CYB561: variants seen among roughly 807,000 people sequenced by gnomAD.
The protein encoded by CYB561 is transmembrane ascorbate-dependent reductase CYB561.
In CYB561, 11 loss-of-function variants were observed where a neutral mutation model predicts 25.3. The observed-to-expected ratio is 0.44, with a 90% CI of 0.27 to 0.72. The LOEUF is 0.72. Among genes scored for constraint, CYB561 ranks in the 30% least tolerant of loss-of-function variants. The pLI is 0.18. For missense variants in CYB561, 295 were observed against 334.9 expected, an observed-to-expected ratio of 0.88 and a Z score of 0.93; for synonymous variants, 165 against 158.8, an observed-to-expected ratio of 1.04 and a Z score of -0.29.
At chr17:63,437,615 C>G in intron 1 of CYB561, 55 bp from the exon 2 acceptor site, 1 of 1,459,598 alleles carries the variant, frequency 6.9e-7, no homozygotes, top group Non-Finnish European at 9.3e-7. Context: ...GAGATGCGCA[C>G]AGCCCCCGCG....
In CYB561 at chr17:63,436,024, T is replaced by TGGC. The variant is rs1568022778; in HGVS notation, c.301+27_301+29dup. 1.9e-6 allele frequency: 3 copies of TGGC among 1,612,768 alleles called. No homozygotes were observed. Among genetic ancestry groups the TGGC allele is most frequent in the Non-Finnish European group, 2.5e-6 (3 of 1,179,782 alleles). ...TGCCATACCTGAAGAGGCAGGCAGG[T>TGGC]GGCGGGGAAGGCCGCGCCCGGGAAC... On this transcript the variant is annotated intron_variant, in intron 3 of 5. Transcript: ENST00000360793. The surrounding 1 kb of genome is among the most constrained non-coding windows in gnomAD (Gnocchi z 4.8).
intron 1 of CYB561, chr17:63,438,102 C>T (rs1003771703): frequency 1.3e-6 from 2 of 1,534,324 alleles, no homozygotes. Context: ...GCCCAGCCTC[C>T]CCACGGGGAC....
intron 1 of CYB561, chr17:63,438,446 TCCCCCCACGCCCCCGCCCG>T: frequency 2.6e-6 from 1 of 388,586 alleles, no homozygotes; most frequent in South Asian, 2.8e-5. Flanking sequence ...CCAGCCCCGC[TCCCCCCACGCCCCCGCCCG>T]CCCCCCACCC....
chr17:63,443,139 C>A (rs1376845410), intron 1 of CYB561, among the ~76,000 whole-genome samples: 3 of 152,286 alleles, frequency 2.0e-5, no homozygotes, highest in Middle Eastern at 6.8e-3. Flanking sequence ...AAGGAGAAAG[C>A]AAAGTGTGGT....
At chr17:63,440,547 T>G (rs907926529) in intron 1 of CYB561, among the ~76,000 whole-genome samples, 1 of 152,120 alleles carries the variant, frequency 6.6e-6, no homozygotes, top group African/African-American at 2.4e-5. Flanking sequence ...ATCCTGCCCG[T>G]TTCCATCTGC....
At chr17:63,438,023 C>G in intron 1 of CYB561, 6 of 1,477,722 alleles carry the variant, frequency 4.1e-6, no homozygotes, top group Non-Finnish European at 5.4e-6. Context: ...GCTCTCCTAC[C>G]CGCAAGCCCC....
At position 63,437,502 on chromosome 17, in the gene CYB561, A is replaced by G. The variant is rs1380079635; in HGVS notation, c.46T>C (p.Tyr16His). 6.2e-7 allele frequency: 1 copy of G among 1,613,384 alleles called. No individual in the cohort carries two copies. The highest frequency in any genetic ancestry group is 1.3e-5 in the African/African-American group (1 of 74,926). ...CCCAGCAGCTGGGAGAAGGCCACGT[A>G]GTAAGGCAGTGCTGTGGGGGTGGCT... Reference protein sequence around the residue: ...AAATPTALPYYVAFSQLLGLT... With the variant: ...AAATPTALPYHVAFSQLLGLT... Residue 16 changes from tyrosine (Y) to histidine (H), a missense_variant, in exon 2 of 6, where the codon TAC becomes CAC. By Grantham distance (83) the Tyr-to-His change is moderately conservative. Transcript: ENST00000360793.
At chr17:63,442,175 A>G (rs1211737885) in intron 1 of CYB561, among the ~76,000 whole-genome samples, 1 of 152,202 alleles carries the variant, frequency 6.6e-6, no homozygotes, top group Non-Finnish European at 1.5e-5. Flanking sequence ...CACAGTCCGT[A>G]GGTTCTGAGC....
intron 1 of CYB561, 78 bp from the exon 2 acceptor site, chr17:63,437,638 C>T: frequency 8.4e-7 from 1 of 1,187,820 alleles, no homozygotes; most frequent in African/African-American, 1.7e-5. Context: ...TGCACACAGC[C>T]CCCCAAGATG....
In CYB561 at chr17:63,445,380, C is replaced by CTTT. The variant is rs558247824; in HGVS notation, c.-14+862_-14+864dup. ...CAGGCACCTAGAGGAGGTGGCAAAG[C>CTTT]TTTTTTTTTTTTTTTTTCATTAGCT... On this transcript the variant is annotated intron_variant, in intron 1 of 5. Coordinates refer to ENST00000360793, the MANE Select transcript of CYB561 (RefSeq NM_001915.4). 1.0e-2 allele frequency among the ~76,000 whole-genome samples: 1,281 copies of CTTT among 128,476 alleles called. 31 individuals carry two copies. Among genetic ancestry groups the CTTT allele is most frequent in the African/African-American group, 0.036 (1,201 of 33,592 alleles). The allele number at this position is 128,476 out of a possible 152,430, so 84.3% of individuals were successfully genotyped here.
In CYB561 at chr17:63,433,458, G is replaced by C; in HGVS notation, c.*944C>G. 1 of 399,016 alleles carries C rather than the reference G, an allele frequency of 2.5e-6. No homozygotes were observed. Among genetic ancestry groups the C allele is most frequent in the Non-Finnish European group, 4.4e-6 (1 of 226,414 alleles). The allele number at this position is 399,016 out of a possible 1,614,324, so 24.7% of individuals were successfully genotyped here. On this transcript the variant is annotated 3_prime_UTR_variant, in exon 6 of 6. Coordinates refer to ENST00000360793, the MANE Select transcript of CYB561 (RefSeq NM_001915.4). Reference sequence around the variant, plus strand: ...AGATAAGGAGAAGGCTCGTCCTCCAGAACAGAGGCAGCAGCTCCAGCAGCC... The same window carrying C: ...AGATAAGGAGAAGGCTCGTCCTCCACAACAGAGGCAGCAGCTCCAGCAGCC...
At chr17:63,443,909 C>T (rs2049399298) in intron 1 of CYB561, among the ~76,000 whole-genome samples, 2 of 152,230 alleles carry the variant, frequency 1.3e-5, no homozygotes, top group Admixed American at 1.3e-4. Flanking sequence ...TACAGACAGA[C>T]ATGAGCCAGC....
Position 63,432,412 on chromosome 17 carries a change from G to A in CYB561, c.*1990C>T, listed in dbSNP as rs982109396. On this transcript the variant is annotated 3_prime_UTR_variant, in exon 6 of 6. Coordinates refer to ENST00000360793, the MANE Select transcript of CYB561 (RefSeq NM_001915.4). ...TAACCCACCACAAATCCGCTTCTGG[G>A]GGCCTTCTTCAGCTCCTTAGTCATC... 6.6e-6 allele frequency: 1 copy of A among 152,206 alleles called. No individual in the cohort carries two copies. The highest frequency in any genetic ancestry group is 1.5e-5 in the Non-Finnish European group (1 of 68,044). 9.4% of individuals were successfully genotyped at this position (152,206 alleles called of 1,614,324 possible). A position where few individuals can be genotyped will look rare whatever the true frequency, so the allele number is the denominator to read the frequency against.
rs1184578504 is a variant in CYB561 at position 63,432,930 on chromosome 17, C to G, written c.*1472G>C. 6.5e-6 allele frequency: 1 copy of G among 153,478 alleles called. No homozygotes were observed. Among genetic ancestry groups the G allele is most frequent in the Admixed American group, 6.5e-5 (1 of 15,324 alleles). The allele number at this position is 153,478 out of a possible 1,614,324, so 9.5% of individuals were successfully genotyped here. A position where few individuals can be genotyped will look rare whatever the true frequency, so the allele number is the denominator to read the frequency against. ...CAGGTTTGGAAACTGTATATTAAGC[C>G]CTTCACTGAAGTACACAGTGTCTGT... On this transcript the variant is annotated 3_prime_UTR_variant, in exon 6 of 6. Transcript: ENST00000360793.
At chr17:63,445,158 C>G (rs912602120) in intron 1 of CYB561, among the ~76,000 whole-genome samples, 2 of 151,522 alleles carry the variant, frequency 1.3e-5, no homozygotes, top group Non-Finnish European at 2.9e-5. Context: ...CTCCTGGCAA[C>G]AGAGCAAGAC....
rs140250977 is a variant in CYB561 at position 63,441,831 on chromosome 17, C to T, written c.-13-4271G>A. 4.6e-5 allele frequency among the ~76,000 whole-genome samples: 7 copies of T among 152,346 alleles called. No individual in the cohort carries two copies. The East Asian group carries it at 1.4e-3, about 29-fold the overall frequency. ...CAGGGGAAGCTCCCGGGCGGTGCCC[C>T]CCCTCCTGTGCCAGTCCTCCTGCGT... is the stretch of plus-strand genomic sequence containing the variant. On this transcript the variant is annotated intron_variant, in intron 1 of 5. Coordinates refer to ENST00000360793, the MANE Select transcript of CYB561 (RefSeq NM_001915.4).
intron 1 of CYB561, chr17:63,437,975 G>GGGCCCCCC: frequency 1.1e-5 from 1 of 89,530 alleles, no homozygotes; most frequent in Non-Finnish European, 2.0e-5. Context: ...CGGCGGCCCC[G>GGGCCCCCC]CCACCCTCCC....
Position 63,436,246 on chromosome 17 carries a change from G to A in CYB561, c.203-94C>T. ...GGAGGCACCTTGGTGGAGAGGTGAT[G>A]TGAGCTGACGGCTTGTAACAGGAGC... On this transcript the variant is annotated intron_variant, in intron 2 of 5. Transcript: ENST00000360793. The surrounding 1 kb of genome is among the most constrained non-coding windows in gnomAD (Gnocchi z 4.8). 5 of 1,448,854 alleles carry A rather than the reference G, an allele frequency of 3.5e-6. No homozygotes were observed. The highest frequency in any genetic ancestry group is 1.3e-5 in the South Asian group (1 of 77,774). The allele number at this position is 1,448,854 out of a possible 1,614,324, so 89.7% of individuals were successfully genotyped here.
intron 1 of CYB561, among the ~76,000 whole-genome samples, chr17:63,438,711 C>T (rs2049343670): frequency 6.6e-6 from 1 of 152,174 alleles, no homozygotes; most frequent in Non-Finnish European, 1.5e-5. Flanking sequence ...CCACGTGGCC[C>T]TCCAGGAGGA....
Sources: allele counts gnomAD v4.1 joint callset (sites outside exome capture counted in the v4.1 genomes callset), GRCh38; gene constraint gnomAD v4.1.1; non-coding constraint Gnocchi (gnomAD v3.1); transcripts MANE v1.5; gene names NCBI Gene and HGNC (gene_info 2026-07-23, HGNC 2026-07-21).